Variants in ADARB1 observed in about 807,000 individuals in gnomAD.
ADARB1 encodes the protein adenosine deaminase RNA specific B1, also known as double-stranded RNA-specific editase 1.
In ADARB1, 10 loss-of-function variants were observed where a neutral mutation model predicts 52.4. The observed-to-expected ratio is 0.19, with a 90% CI of 0.12 to 0.32. The LOEUF is 0.32. Among genes scored for constraint, ADARB1 ranks in the 10% least tolerant of loss-of-function variants. The pLI, the probability that ADARB1 is intolerant of heterozygous loss-of-function variation, is 1.00. For synonymous variants in ADARB1, 349 were observed against 371.1 expected (o/e 0.94, Z 0.68); for missense variants, 643 against 922.3 (o/e 0.70, Z 3.92).
intron 4 of ADARB1, among the ~76,000 whole-genome samples, chr21:45,179,577 G>A (rs1254324806): frequency 6.6e-6 from 1 of 152,220 alleles, no homozygotes; most frequent in Non-Finnish European, 1.5e-5. Context: ...GTTCTCAGAA[G>A]CACTTTAATA....
At chr21:45,174,754 T>C (rs886886178) in intron 3 of ADARB1, among the ~76,000 whole-genome samples, 2 of 152,106 alleles carry the variant, frequency 1.3e-5, no homozygotes, top group African/African-American at 4.8e-5. Context: ...TAAATAAAAT[T>C]TAAAAATTAT....
chr21:45,212,282 C>T (rs2092784249), intron 9 of ADARB1, among the ~76,000 whole-genome samples: 1 of 152,126 alleles, frequency 6.6e-6, no homozygotes, highest in Non-Finnish European at 1.5e-5. Flanking sequence ...CAAAAGAAAT[C>T]CTTCCTGATT....
At chr21:45,080,472 G>C (rs2086111302) in intron 1 of ADARB1, among the ~76,000 whole-genome samples, 1 of 152,132 alleles carries the variant, frequency 6.6e-6, no homozygotes, top group South Asian at 2.1e-4. Flanking sequence ...TGGGAGCCTG[G>C]ACTCAGAAAT....
chr21:45,171,524 T>C, intron 2 of ADARB1, 86 bp from the exon 3 acceptor site: 1 of 842,558 alleles, frequency 1.2e-6, no homozygotes, highest in South Asian at 1.6e-5. Flanking sequence ...TTTGTAATAA[T>C]GTTGTAATTA....
intron 1 of ADARB1, among the ~76,000 whole-genome samples, chr21:45,109,651 A>G (rs890154018): frequency 2.0e-5 from 3 of 152,142 alleles, no homozygotes; most frequent in Non-Finnish European, 4.4e-5. Context: ...AGGCCCTCAA[A>G]TACTTGTTGA....
Position 45,223,762 on chromosome 21 carries a change from C to A in ADARB1, c.*1565C>A. 1 of 985,466 alleles carries A rather than the reference C, an allele frequency of 1.0e-6. No homozygotes were observed. Among genetic ancestry groups the A allele is most frequent in the Non-Finnish European group, 1.2e-6 (1 of 829,962 alleles). 61.0% of individuals were successfully genotyped at this position (985,466 alleles called of 1,614,324 possible). A position where few individuals can be genotyped will look rare whatever the true frequency, so the allele number is the denominator to read the frequency against. On this transcript the variant is annotated 3_prime_UTR_variant, in exon 11 of 11. Transcript: ENST00000348831. ...GAGCTCAGACCCCAAAACTGAAACA[C>A]CGTGGCTTCGGCGGGGGGTGTGCCT...
Position 45,222,494 on chromosome 21 carries a change from A to G in ADARB1, c.*297A>G. ...GCTTTCAATCTCGGTTTACGTTTAGAAATTGAGTTCTACTGAGTAGGGCTT... is the reference window on the plus strand; with the variant it reads ...GCTTTCAATCTCGGTTTACGTTTAGGAATTGAGTTCTACTGAGTAGGGCTT... On this transcript the variant is annotated 3_prime_UTR_variant, in exon 11 of 11. Transcript: ENST00000348831. The G allele has an allele frequency of 8.4e-7, 1 of 1,184,558 alleles. No homozygotes were observed. Among genetic ancestry groups the G allele is most frequent in the Non-Finnish European group, 1.0e-6 (1 of 957,062 alleles). The allele number at this position is 1,184,558 out of a possible 1,614,324, so 73.4% of individuals were successfully genotyped here.
At chr21:45,198,522 T>C (rs868466505) in intron 8 of ADARB1, among the ~76,000 whole-genome samples, 16 of 148,638 alleles carry the variant, frequency 1.1e-4, no homozygotes, top group East Asian at 7.9e-4. Context: ...CACACACACA[T>C]ACACACACAC....
At chr21:45,165,158 G>A (rs532030785) in intron 2 of ADARB1, among the ~76,000 whole-genome samples, 99 of 152,196 alleles carry the variant, frequency 6.5e-4, no homozygotes, top group Middle Eastern at 6.8e-3. Flanking sequence ...TGGTTCTCCC[G>A]TGATGCATCC....
At chr21:45,118,790 A>T (rs1269451596) in intron 1 of ADARB1, among the ~76,000 whole-genome samples, 1 of 152,194 alleles carries the variant, frequency 6.6e-6, no homozygotes, top group Non-Finnish European at 1.5e-5. Context: ...CTCAGGTTTC[A>T]GCCCAGGAAT....
intron 2 of ADARB1, among the ~76,000 whole-genome samples, chr21:45,131,437 C>G (rs2088925618): frequency 6.6e-6 from 1 of 152,232 alleles, no homozygotes; most frequent in African/African-American, 2.4e-5. Context: ...CAAAACTCAG[C>G]TGGGCTGGGC....
chr21:45,171,750 C>A, intron 3 of ADARB1, 66 bp downstream of exon 3: 1 of 1,459,450 alleles, frequency 6.9e-7, no homozygotes, highest in Non-Finnish European at 9.4e-7. Flanking sequence ...GGTGTTTTTG[C>A]AAATGTATTT....
At chr21:45,135,074 A>G (rs140299494) in intron 2 of ADARB1, among the ~76,000 whole-genome samples, 21 of 152,364 alleles carry the variant, frequency 1.4e-4, no homozygotes, top group African/African-American at 5.0e-4. Flanking sequence ...AATCTGCAAC[A>G]GAGACCATAA....
intron 1 of ADARB1, among the ~76,000 whole-genome samples, chr21:45,080,023 G>C (rs2086092706): frequency 6.6e-6 from 1 of 152,186 alleles, no homozygotes; most frequent in African/African-American, 2.4e-5. Context: ...TAGTGGCCTG[G>C]AAACCAAGAC....
intron 1 of ADARB1, among the ~76,000 whole-genome samples, chr21:45,121,318 T>C (rs1201727452): frequency 6.6e-6 from 1 of 152,198 alleles, no homozygotes; most frequent in African/African-American, 2.4e-5. Flanking sequence ...CTATCTCAGG[T>C]GTGATTTGTG....
chr21:45,087,067 A>G (rs1406199224), intron 1 of ADARB1, among the ~76,000 whole-genome samples: 1 of 152,242 alleles, frequency 6.6e-6, no homozygotes, highest in Non-Finnish European at 1.5e-5. Flanking sequence ...TCCTCAGCAG[A>G]TGAGTTCTTA....
chr21:45,109,354 A>G lies in ADARB1; in HGVS notation c.-219-19048A>G, dbSNP rs535004014. ...TATGTGTGTGCACGTGTGTGTCCCC[A>G]TGAGTCCTGTGGCACCACCGAGTTG... On this transcript the variant is annotated intron_variant, in intron 1 of 10. Coordinates refer to ENST00000348831, the MANE Select transcript of ADARB1 (RefSeq NM_001112.4). Among the ~76,000 whole-genome samples, 165 of 152,306 alleles carry G rather than the reference A, an allele frequency of 1.1e-3. 1 individual carries two copies. Among genetic ancestry groups the G allele is most frequent in the South Asian group, 2.3e-3 (11 of 4,830 alleles).
chr21:45,200,126 C>T lies in ADARB1; in HGVS notation c.1566-4429C>T, dbSNP rs2092517816. Reference sequence around the variant, plus strand: ...GAGAGTTGAGAGTGGGGAGCAGCCACCTTGGAGGGCCAGGTGGATGGGGCT... The same window carrying T: ...GAGAGTTGAGAGTGGGGAGCAGCCATCTTGGAGGGCCAGGTGGATGGGGCT... On this transcript the variant is annotated intron_variant, in intron 8 of 10. Coordinates refer to ENST00000348831, the MANE Select transcript of ADARB1 (RefSeq NM_001112.4). The surrounding 1 kb of genome is among the most constrained non-coding windows in gnomAD (Gnocchi z 5.0). Among the ~76,000 whole-genome samples the T allele has an allele frequency of 6.6e-6, 1 of 152,158 alleles. No homozygotes were observed. Among genetic ancestry groups the T allele is most frequent in the Non-Finnish European group, 1.5e-5 (1 of 68,020 alleles).
Position 45,183,515 on chromosome 21 carries a change from G to A in ADARB1, c.1396+5G>A. On this transcript the variant is annotated splice_donor_5th_base_variant and intron_variant, in intron 7 of 10. Coordinates refer to ENST00000348831, the MANE Select transcript of ADARB1 (RefSeq NM_001112.4). ...CACATGAGCCAATCCTGGAAGGTAT[G>A]AGACGAGATTCTTCAACAAGCCAGT... The A allele has an allele frequency of 6.2e-7, 1 of 1,611,404 alleles. No individual in the cohort carries two copies. The highest frequency in any genetic ancestry group is 1.7e-5 in the Admixed American group (1 of 59,302).
Sources: gnomAD v4.1 joint callset for allele counts (sites outside exome capture counted in the v4.1 genomes callset) on GRCh38, gnomAD v4.1.1 for gene constraint, Gnocchi (gnomAD v3.1) non-coding constraint, MANE v1.5 for transcripts, NCBI Gene and HGNC (gene_info 2026-07-23, HGNC 2026-07-21) for gene names.